FOCAD: variants seen among roughly 807,000 people sequenced by gnomAD.
The protein encoded by FOCAD is KIAA1797.
Under a neutral mutation model 225.6 loss-of-function variants are expected in FOCAD, and 198 were observed. The observed-to-expected ratio is 0.88, with a 90% CI of 0.78 to 0.99. The LOEUF is 0.99. Among genes scored for constraint, FOCAD ranks in the 50% least tolerant of loss-of-function variants. FOCAD has a pLI of 0.00. For missense variants in FOCAD, 2,713 were observed against 2,123.6 expected (o/e 1.28, Z -5.46); for synonymous variants, 897 against 755.0 (o/e 1.19, Z -3.08).
chr9:20,895,377 T>C (rs972655951), intron 21 of FOCAD, among the ~76,000 whole-genome samples: 11 of 151,960 alleles, frequency 7.2e-5, no homozygotes, highest in African/African-American at 1.4e-4. Flanking sequence ...TTGAGTGTGA[T>C]TGCATTGAAT....
intron 21 of FOCAD, among the ~76,000 whole-genome samples, chr9:20,894,967 G>A (rs2131935218): frequency 6.6e-6 from 1 of 152,102 alleles, no homozygotes; most frequent in Middle Eastern, 3.4e-3. Flanking sequence ...GTTTTACGTT[G>A]ATATCTATAA....
At chr9:20,745,359 G>A (rs960726053) in intron 5 of FOCAD, among the ~76,000 whole-genome samples, 2 of 152,056 alleles carry the variant, frequency 1.3e-5, no homozygotes, top group Admixed American at 1.3e-4. Context: ...CAAAGTGCTG[G>A]GATTACAGGT....
At position 20,865,983 on chromosome 9, in the gene FOCAD, T is replaced by C; in HGVS notation, c.2106+7T>C. ...GACTCATACTCAAAACAAGGTACTA[T>C]CACAAGGCTTGTCAGTGAATCAGAA... is the stretch of plus-strand genomic sequence containing the variant. On this transcript the variant is annotated splice_region_variant and intron_variant, in intron 17 of 43. Coordinates refer to ENST00000338382, the MANE Select transcript of FOCAD (RefSeq NM_001375567.1). The C allele has an allele frequency of 1.9e-6, 3 of 1,601,982 alleles. No individual in the cohort carries two copies. The highest frequency in any genetic ancestry group is 1.1e-5 in the South Asian group (1 of 88,696).
chr9:20,756,266 G>T (rs1829039510), intron 5 of FOCAD, among the ~76,000 whole-genome samples: 1 of 152,120 alleles, frequency 6.6e-6, no homozygotes, highest in African/African-American at 2.4e-5. Context: ...GCCAGCATGT[G>T]AAGTTAGTTA....
chr9:20,927,572 T>C (rs1285556078), intron 26 of FOCAD, among the ~76,000 whole-genome samples: 1 of 152,126 alleles, frequency 6.6e-6, no homozygotes, highest in Non-Finnish European at 1.5e-5. Context: ...GTCTTCATGC[T>C]TGTATTCTAA....
intron 15 of FOCAD, among the ~76,000 whole-genome samples, chr9:20,827,696 C>T (rs1216306029): frequency 6.6e-6 from 1 of 151,862 alleles, no homozygotes; most frequent in African/African-American, 2.4e-5. Flanking sequence ...AAAGAAAGAG[C>T]TCCGATACAC....
intron 18 of FOCAD, among the ~76,000 whole-genome samples, chr9:20,870,250 G>T (rs997613575): frequency 2.0e-5 from 3 of 152,152 alleles, no homozygotes; most frequent in African/African-American, 7.2e-5. Context: ...AACCCGTTTG[G>T]CTTTGATTTA....
intron 11 of FOCAD, among the ~76,000 whole-genome samples, chr9:20,815,123 G>GTGTTTTTTTTTTGTTTTTGTTTTTTTT (rs1564024181): frequency 1.2e-5 from 1 of 85,396 alleles, no homozygotes; most frequent in Non-Finnish European, 2.2e-5. Context: ...ACTTCTCTTT[G>GTGTTTTTTTTTTGTTTTTGTTTTTTTT]TTTTTTTTTT....
At chr9:20,755,366 G>T (rs1411037972) in intron 5 of FOCAD, among the ~76,000 whole-genome samples, 1 of 152,176 alleles carries the variant, frequency 6.6e-6, no homozygotes, top group East Asian at 1.9e-4. Context: ...TCAGCATCAT[G>T]CAACAAAGCT....
At chr9:20,843,044 T>C (rs931025760) in intron 15 of FOCAD, among the ~76,000 whole-genome samples, 1 of 152,038 alleles carries the variant, frequency 6.6e-6, no homozygotes, top group Non-Finnish European at 1.5e-5. Context: ...TTGTTGTTTC[T>C]ATTTATATCT....
chr9:20,808,211 G>T (rs1822673273), intron 11 of FOCAD, among the ~76,000 whole-genome samples: 1 of 152,188 alleles, frequency 6.6e-6, no homozygotes, highest in African/African-American at 2.4e-5. Flanking sequence ...TGTCTGACAG[G>T]TGTCTTTGGT....
chr9:20,715,504 A>G, intron 2 of FOCAD, 94 bp downstream of exon 2: 1 of 500,638 alleles, frequency 2.0e-6, no homozygotes, highest in Non-Finnish European at 3.1e-6. Context: ...TAAATATTTT[A>G]TTCTACATGT....
Position 20,781,825 on chromosome 9 carries a change from G to A in FOCAD, c.1093G>A (p.Glu365Lys), listed in dbSNP as rs1237548503. The change falls in exon 10 of 44, where the codon GAA (glutamate) becomes AAA (lysine). Residue 365 changes from glutamate to lysine, a missense_variant. Coordinates refer to ENST00000338382, the MANE Select transcript of FOCAD (RefSeq NM_001375567.1). ...ILQILSSTALEDCISVDEEGP... is the reference protein window; with the variant it reads ...ILQILSSTALKDCISVDEEGP... ...GCAGATACTATCTTCTACTGCCTTG[G>A]AAGACTGTATATCTGTGGATGAAGA... The A allele has an allele frequency of 1.2e-6, 2 of 1,613,990 alleles. No homozygotes were observed. The highest frequency in any genetic ancestry group is 1.7e-6 in the Non-Finnish European group (2 of 1,180,000).
chr9:20,895,820 A>G (rs1422613640), intron 21 of FOCAD, among the ~76,000 whole-genome samples: 1 of 151,850 alleles, frequency 6.6e-6, no homozygotes, highest in Non-Finnish European at 1.5e-5. Flanking sequence ...TCTGCAAGCA[A>G]AGACAATTTT....
chr9:20,750,378 G>A (rs113992261), intron 5 of FOCAD, among the ~76,000 whole-genome samples: 465 of 152,216 alleles, frequency 3.1e-3, no homozygotes, highest in Non-Finnish European at 3.4e-3. Context: ...AATCATAATT[G>A]TACCCACTTA....
intron 1 of FOCAD, among the ~76,000 whole-genome samples, chr9:20,698,605 G>A (rs780784806): frequency 2.0e-5 from 3 of 151,994 alleles, no homozygotes; most frequent in Non-Finnish European, 2.9e-5. Context: ...TCACTATGTT[G>A]CCCAGGCTGG....
At chr9:20,781,282 A>G (rs1819333438) in intron 9 of FOCAD, among the ~76,000 whole-genome samples, 1 of 152,208 alleles carries the variant, frequency 6.6e-6, no homozygotes, top group Admixed American at 6.5e-5. Context: ...TTACAGCTGA[A>G]GGGCAGTCCT....
At chr9:20,946,017 A>G (rs919018264) in intron 29 of FOCAD, among the ~76,000 whole-genome samples, 7 of 152,172 alleles carry the variant, frequency 4.6e-5, no homozygotes, top group African/African-American at 1.7e-4. Context: ...TAAATGGTCA[A>G]TTTGGGACAT....
intron 15 of FOCAD, among the ~76,000 whole-genome samples, chr9:20,842,437 T>C (rs1456703121): frequency 1.3e-5 from 2 of 151,982 alleles, no homozygotes; most frequent in Non-Finnish European, 2.9e-5. Context: ...TGGGTACATA[T>C]ATATGTATAG....
Sources: allele counts gnomAD v4.1 joint callset (sites outside exome capture counted in the v4.1 genomes callset), GRCh38; gene constraint gnomAD v4.1.1; transcripts MANE v1.5; gene names NCBI Gene and HGNC (gene_info 2026-07-23, HGNC 2026-07-21).